Variants in AK5 observed in about 807,000 individuals in gnomAD.
AK5 encodes adenylate kinase 5.
AK5 carries 27 observed loss-of-function variants against 69.5 expected under a neutral mutation model. The observed-to-expected ratio is 0.39, with a 90% CI of 0.29 to 0.54. The LOEUF is 0.54. Ranked by LOEUF, AK5 falls within the 20% of genes least tolerant of loss-of-function variation. The pLI is 0.71. For synonymous variants in AK5, 260 were observed against 244.4 expected, an observed-to-expected ratio of 1.06 and a Z score of -0.60; for missense variants, 531 against 700.4, an observed-to-expected ratio of 0.76 and a Z score of 2.73.
At chr1:77,497,967 C>G (rs1656453473) in intron 10 of AK5, among the ~76,000 whole-genome samples, 1 of 151,962 alleles carries the variant, frequency 6.6e-6, no homozygotes, top group Non-Finnish European at 1.5e-5. Context: ...CAGCTGACAC[C>G]AAAAATACAA....
intron 8 of AK5, among the ~76,000 whole-genome samples, chr1:77,457,081 C>T (rs1264120577): frequency 6.6e-6 from 1 of 152,178 alleles, no homozygotes; most frequent in African/African-American, 2.4e-5. Context: ...CTGTCTTCTG[C>T]CTTGCCATAT....
At chr1:77,378,830 C>G (rs186782986) in intron 6 of AK5, among the ~76,000 whole-genome samples, 16 of 152,260 alleles carry the variant, frequency 1.1e-4, no homozygotes, top group African/African-American at 3.6e-4. Flanking sequence ...AATCTCTAGG[C>G]TGAGGGGAGT....
intron 8 of AK5, among the ~76,000 whole-genome samples, chr1:77,475,389 T>TACAA (rs1654819456): frequency 5.1e-4 from 6 of 11,818 alleles, no homozygotes; most frequent in African/African-American, 1.7e-3. Context: ...TATATATATG[T>TACAA]ATATATATAA....
At chr1:77,538,392 G>A (rs1430110220) in intron 13 of AK5, among the ~76,000 whole-genome samples, 1 of 150,006 alleles carries the variant, frequency 6.7e-6, no homozygotes, top group Non-Finnish European at 1.5e-5. Context: ...AAGTGTTTTT[G>A]TTATATAAGA....
At chr1:77,328,225 G>T (rs1339145533) in intron 5 of AK5, among the ~76,000 whole-genome samples, 2 of 152,190 alleles carry the variant, frequency 1.3e-5, no homozygotes, top group African/African-American at 4.8e-5. Flanking sequence ...TTCAGGCCAG[G>T]TGCAGTGGCT....
At chr1:77,310,210 T>G (rs1183600649) in intron 5 of AK5, among the ~76,000 whole-genome samples, 1 of 152,142 alleles carries the variant, frequency 6.6e-6, no homozygotes, top group Non-Finnish European at 1.5e-5. Flanking sequence ...CATCTTTTCC[T>G]TCATTGAAAT....
rs1413674851 is a variant in AK5, at chr1:77,369,909, C to T, written c.891+29341C>T. 2.0e-5 allele frequency among the ~76,000 whole-genome samples: 3 copies of T among 152,246 alleles called. No individual in the cohort carries two copies. The East Asian group carries it at 5.8e-4, about 29-fold the overall frequency. The stretch of plus-strand genomic sequence containing the variant: ...TGTAGTCATGCCCTTCCACAAAACG[C>T]ACTTTAATGCCGCTGCCAATAAATG... On this transcript the variant is annotated intron_variant, in intron 6 of 13. Coordinates refer to ENST00000354567, the MANE Select transcript of AK5 (RefSeq NM_174858.3).
At chr1:77,322,711 C>CT (rs141859444) in intron 5 of AK5, among the ~76,000 whole-genome samples, 10,256 of 152,110 alleles carry the variant, frequency 0.067, 431 homozygotes, top group Non-Finnish European at 0.085. Flanking sequence ...AATTACGCAC[C>CT]TTACTGTCTT....
intron 6 of AK5, among the ~76,000 whole-genome samples, chr1:77,343,476 T>TA (rs1661761782): frequency 6.6e-6 from 1 of 152,160 alleles, no homozygotes; most frequent in African/African-American, 2.4e-5. Flanking sequence ...TACCTCATAA[T>TA]ATTGTTGTGT....
At chr1:77,410,025 A>G (rs1323775617) in intron 6 of AK5, among the ~76,000 whole-genome samples, 1 of 152,138 alleles carries the variant, frequency 6.6e-6, no homozygotes, top group Non-Finnish European at 1.5e-5. Flanking sequence ...TGTTTTTGTC[A>G]TAGTAAAGCT....
chr1:77,332,426 CAGAT>C (rs1187269953), intron 5 of AK5, among the ~76,000 whole-genome samples: 2 of 149,358 alleles, frequency 1.3e-5, no homozygotes, highest in Non-Finnish European at 3.0e-5. Flanking sequence ...CATTTTGACA[CAGAT>C]AGATCACTGA....
At chr1:77,478,474 A>C (rs1018669261) in intron 8 of AK5, among the ~76,000 whole-genome samples, 2 of 152,192 alleles carry the variant, frequency 1.3e-5, no homozygotes, top group African/African-American at 2.4e-5. Flanking sequence ...TGCCATCCAC[A>C]TAAGATGTGA....
In AK5 at chr1:77,396,159, G is replaced by A. The variant is rs190234345; in HGVS notation, c.892-14822G>A. Reference sequence around the variant, plus strand: ...CCATTTTAGTGGAAGAATAAGAAGAGTAACTACCCATAGAGTTGAGTCAGC... The same window carrying A: ...CCATTTTAGTGGAAGAATAAGAAGAATAACTACCCATAGAGTTGAGTCAGC... On this transcript the variant is annotated intron_variant, in intron 6 of 13. Coordinates refer to ENST00000354567, the MANE Select transcript of AK5 (RefSeq NM_174858.3). 2.0e-5 allele frequency among the ~76,000 whole-genome samples: 3 copies of A among 152,326 alleles called. No individual in the cohort carries two copies. In the East Asian group the frequency reaches 5.8e-4, roughly 29 times the overall value.
In AK5 at chr1:77,403,331, T is replaced by TTGCCA. The variant is rs1304952730; in HGVS notation, c.892-7648_892-7644dup. ...TCCCATTTGTCAATTTTGGCTTTTGTTGCCATTGCTTTTGGTGTTTTAGTC... is the reference window on the plus strand; with the variant it reads ...TCCCATTTGTCAATTTTGGCTTTTGTTGCCATGCCATTGCTTTTGGTGTTTTAGTC... On this transcript the variant is annotated intron_variant, in intron 6 of 13. Transcript: ENST00000354567. 3.9e-5 allele frequency among the ~76,000 whole-genome samples: 6 copies of TTGCCA among 152,342 alleles called. No homozygotes were observed. The East Asian group carries it at 1.2e-3, about 29-fold the overall frequency.
chr1:77,461,277 C>A (rs947415697), intron 8 of AK5, among the ~76,000 whole-genome samples: 1 of 151,068 alleles, frequency 6.6e-6, no homozygotes, highest in Admixed American at 6.6e-5. Flanking sequence ...TCGTGATCCA[C>A]CCACCTCGAC....
intron 6 of AK5, among the ~76,000 whole-genome samples, chr1:77,367,313 T>C (rs1483709246): frequency 1.3e-5 from 2 of 151,142 alleles, no homozygotes; most frequent in Non-Finnish European, 2.9e-5. Context: ...ATGAAATTTA[T>C]TTATGCTTTT....
chr1:77,414,577 C>T (rs888310714), intron 7 of AK5, among the ~76,000 whole-genome samples: 1 of 152,194 alleles, frequency 6.6e-6, no homozygotes, highest in Non-Finnish European at 1.5e-5. Flanking sequence ...AATAATATTT[C>T]TGAAGGCCAT....
In AK5 at chr1:77,496,778, A is replaced by C. The variant is rs544279887; in HGVS notation, c.1147+10426A>C. On this transcript the variant is annotated intron_variant, in intron 10 of 13. Transcript: ENST00000354567. ...TCAGCACTCTGTGTCTAGCTAAAGG[A>C]TTGTAAACGCACCAATCAGCACTCT... Among the ~76,000 whole-genome samples the C allele has an allele frequency of 2.0e-5, 3 of 152,232 alleles. No individual in the cohort carries two copies. The South Asian group carries it at 6.2e-4, about 32-fold the overall frequency.
chr1:77,367,579 A>ATATATATATATATAT lies in AK5; in HGVS notation c.891+27011_891+27012insTATATATATATATAT, dbSNP rs71075732. On this transcript the variant is annotated intron_variant, in intron 6 of 13. Transcript: ENST00000354567. ...TTTTTATATATATATATATATATAT[A>ATATATATATATATAT]ATATATATGTTATATATGTAATATA... Among the ~76,000 whole-genome samples, 36 of 53,380 alleles carry ATATATATATATATAT rather than the reference A, an allele frequency of 6.7e-4. 2 individuals are homozygous for ATATATATATATATAT. The highest frequency in any genetic ancestry group is 1.4e-3 in the African/African-American group (13 of 9,430). 35.0% of individuals were successfully genotyped at this position (53,380 alleles called of 152,430 possible). A position where few individuals can be genotyped will look rare whatever the true frequency, so the allele number is the denominator to read the frequency against.
Sources: gnomAD v4.1 joint callset for allele counts (sites outside exome capture counted in the v4.1 genomes callset) on GRCh38, gnomAD v4.1.1 for gene constraint, MANE v1.5 for transcripts, NCBI Gene and HGNC (gene_info 2026-07-23, HGNC 2026-07-21) for gene names.